Variants in KCNMB2 observed in about 807,000 individuals in gnomAD.
KCNMB2 encodes calcium-activated potassium channel subunit beta-2.
Under a neutral mutation model 24.5 loss-of-function variants are expected in KCNMB2, and 9 were observed. That is an observed-to-expected ratio of 0.37 (90% CI 0.22 to 0.64). KCNMB2 has a LOEUF of 0.64. KCNMB2 is among the 30% of genes least tolerant of loss of function. The probability of loss-of-function intolerance (pLI) is 0.63; values close to 1 mark genes in which losing one functional copy is unlikely to be tolerated. For synonymous variants in KCNMB2, 109 were observed against 104.4 expected (o/e 1.04, Z -0.27); for missense variants, 226 against 284.3 (o/e 0.79, Z 1.47).
chr3:178,620,064 T>C (rs1483868028), intron 1 of KCNMB2, among the ~76,000 whole-genome samples: 1 of 152,218 alleles, frequency 6.6e-6, no homozygotes, highest in African/African-American at 2.4e-5. Flanking sequence ...ATAGGCATTC[T>C]TATTGACTTA....
chr3:178,539,465 A>G (rs1487067330), intron 1 of KCNMB2, among the ~76,000 whole-genome samples: 1 of 152,146 alleles, frequency 6.6e-6, no homozygotes, highest in Non-Finnish European at 1.5e-5. Flanking sequence ...AGTAAGAATA[A>G]GACATATCAT....
intron 4 of KCNMB2, among the ~76,000 whole-genome samples, chr3:178,829,773 G>A (rs1220151630): frequency 2.0e-5 from 3 of 152,112 alleles, no homozygotes; most frequent in Admixed American, 1.3e-4. Flanking sequence ...GCATTATTTA[G>A]GCTATAAACG....
rs188078660 is a variant in KCNMB2, at chr3:178,764,385, T to C, written c.-67-42958T>C. Among the ~76,000 whole-genome samples, 12 of 152,324 alleles carry C rather than the reference T, an allele frequency of 7.9e-5. No homozygotes were observed. In the East Asian group the frequency reaches 2.3e-3, roughly 29 times the overall value. On this transcript the variant is annotated intron_variant, in intron 1 of 4. Transcript: ENST00000452583. ...ATGGTCTCATAAGATTATAATACTG[T>C]AGTTTTACTCTACCTTTTCTATGTT...
Position 178,725,896 on chromosome 3 carries a change from A to G in KCNMB2, c.-67-81447A>G, listed in dbSNP as rs190349958. On this transcript the variant is annotated intron_variant, in intron 1 of 4. Coordinates refer to ENST00000452583, the MANE Select transcript of KCNMB2 (RefSeq NM_181361.3). ...TTATTTTTTTAATCCATCTATCCTAACAATCTCTATGTTTTAGTTGGTATA... is the reference window on the plus strand; with the variant it reads ...TTATTTTTTTAATCCATCTATCCTAGCAATCTCTATGTTTTAGTTGGTATA... Among the ~76,000 whole-genome samples the G allele has an allele frequency of 2.7e-3, 407 of 151,914 alleles. 2 individuals are homozygous for G. Among genetic ancestry groups the G allele is most frequent in the Middle Eastern group, 0.018 (5 of 278 alleles).
chr3:178,590,515 A>G (rs1717627297), intron 1 of KCNMB2, among the ~76,000 whole-genome samples: 1 of 152,206 alleles, frequency 6.6e-6, no homozygotes, highest in Non-Finnish European at 1.5e-5. Flanking sequence ...AAGGGAAAAA[A>G]TCACTCATTG....
At chr3:178,810,084 T>C (rs1714127670) in intron 2 of KCNMB2, among the ~76,000 whole-genome samples, 1 of 152,140 alleles carries the variant, frequency 6.6e-6, no homozygotes, top group East Asian at 1.9e-4. Context: ...ATGACTCAGA[T>C]TTTAAACTGA....
chr3:178,625,601 T>C (rs1327843798), intron 1 of KCNMB2, among the ~76,000 whole-genome samples: 2 of 152,138 alleles, frequency 1.3e-5, no homozygotes, highest in Non-Finnish European at 1.5e-5. Context: ...AATCAAGCAG[T>C]GAATTATTAC....
At chr3:178,661,813 A>C (rs1433215835) in intron 1 of KCNMB2, among the ~76,000 whole-genome samples, 2 of 152,214 alleles carry the variant, frequency 1.3e-5, no homozygotes, top group African/African-American at 4.8e-5. Flanking sequence ...GAAGTGTGAG[A>C]AGCTCTGCTC....
chr3:178,637,451 G>A (rs1163294210), intron 1 of KCNMB2, among the ~76,000 whole-genome samples: 6 of 152,200 alleles, frequency 3.9e-5, no homozygotes, highest in Non-Finnish European at 8.8e-5. Context: ...TTATGACACA[G>A]CAGAACTTGG....
At chr3:178,781,620 C>T (rs916117693) in intron 1 of KCNMB2, among the ~76,000 whole-genome samples, 1 of 150,520 alleles carries the variant, frequency 6.6e-6, no homozygotes, top group Non-Finnish European at 1.5e-5. Flanking sequence ...TATATATACA[C>T]ATATATATAC....
chr3:178,749,223 A>G (rs975398688), intron 1 of KCNMB2: 65 of 152,330 alleles, frequency 4.3e-4, no homozygotes, highest in African/African-American at 1.6e-3. Flanking sequence ...TGAAGAATGC[A>G]TATATTAGAA....
At chr3:178,671,653 C>G (rs935909529) in intron 1 of KCNMB2, among the ~76,000 whole-genome samples, 6 of 152,152 alleles carry the variant, frequency 3.9e-5, no homozygotes, top group Non-Finnish European at 8.8e-5. Flanking sequence ...CAGAGAAAGG[C>G]TGCATTGCAT....
At chr3:178,602,091 T>C (rs1356986832) in intron 1 of KCNMB2, among the ~76,000 whole-genome samples, 2 of 152,152 alleles carry the variant, frequency 1.3e-5, no homozygotes, top group Non-Finnish European at 2.9e-5. Flanking sequence ...AGATCCAGGA[T>C]AATACCCTAA....
At chr3:178,820,946 A>G (rs1401995850) in intron 2 of KCNMB2, among the ~76,000 whole-genome samples, 2 of 152,206 alleles carry the variant, frequency 1.3e-5, no homozygotes, top group African/African-American at 4.8e-5. Flanking sequence ...GACTATCTCA[A>G]CAGACCTTAA....
chr3:178,708,746 C>T (rs1254589601), intron 1 of KCNMB2, among the ~76,000 whole-genome samples: 1 of 151,972 alleles, frequency 6.6e-6, no homozygotes, highest in Non-Finnish European at 1.5e-5. Flanking sequence ...ATTATTATTC[C>T]CTTTTACAAA....
intron 1 of KCNMB2, among the ~76,000 whole-genome samples, chr3:178,783,308 G>GT (rs1577184704): frequency 6.7e-6 from 1 of 148,468 alleles, no homozygotes; most frequent in East Asian, 2.0e-4. Flanking sequence ...CTTTAAAGTA[G>GT]TTTTTTCCAA....
chr3:178,697,629 G>A (rs946998161), intron 1 of KCNMB2, among the ~76,000 whole-genome samples: 1 of 152,118 alleles, frequency 6.6e-6, no homozygotes, highest in South Asian at 2.1e-4. Context: ...TGACATCTGT[G>A]GATTTGATCC....
chr3:178,788,168 T>C (rs1164051081), intron 1 of KCNMB2, among the ~76,000 whole-genome samples: 1 of 152,190 alleles, frequency 6.6e-6, no homozygotes, highest in Non-Finnish European at 1.5e-5. Flanking sequence ...TATACTGATC[T>C]AGGAGGAACA....
At chr3:178,682,895 G>A (rs1221193363) in intron 1 of KCNMB2, among the ~76,000 whole-genome samples, 4 of 152,058 alleles carry the variant, frequency 2.6e-5, no homozygotes, top group African/African-American at 9.7e-5. Flanking sequence ...AGGCTATGGA[G>A]AAAAGGAAAT....
Sources: allele counts gnomAD v4.1 joint callset (sites outside exome capture counted in the v4.1 genomes callset), GRCh38; gene constraint gnomAD v4.1.1; transcripts MANE v1.5; gene names NCBI Gene and HGNC (gene_info 2026-07-23, HGNC 2026-07-21).